The following PPP2R2C variants were observed in gnomAD, a reference collection of about 807,000 sequenced individuals.
PPP2R2C encodes the protein protein phosphatase 2, regulatory subunit B, gamma.
Under a neutral mutation model 45.3 loss-of-function variants are expected in PPP2R2C, and 10 were observed. The observed-to-expected ratio is 0.22, with a 90% CI of 0.14 to 0.37. PPP2R2C has a LOEUF of 0.37. Among genes scored for constraint, PPP2R2C ranks in the 10% least tolerant of loss-of-function variants. The pLI, the probability that PPP2R2C is intolerant of heterozygous loss-of-function variation, is 1.00. For synonymous variants in PPP2R2C, 257 were observed against 245.4 expected (o/e 1.05, Z -0.44); for missense variants, 308 against 619.7 (o/e 0.50, Z 5.34).
At chr4:6,511,714 ATGGTGGTGATGGTGGTGGAGGTGATGG>A (rs1560594246) in intron 2 of PPP2R2C, among the ~76,000 whole-genome samples, 5 of 14,484 alleles carry the variant, frequency 3.5e-4, no homozygotes, top group Non-Finnish European at 7.9e-4. Flanking sequence ...GGTGGAGGTG[ATGGTGGTGATGGTGGTGGAGGTGATGG>A]TGGTGATGGC....
At position 6,457,945 on chromosome 4, in the gene PPP2R2C, G is replaced by A. The variant is rs560310301; in HGVS notation, c.70+14215C>T. Reference sequence around the variant, plus strand: ...AAATATCTTCAAGAGTTCCTTTAACGTTTTTCCCAGCCTCGCTTCCTCTGG... The same window carrying A: ...AAATATCTTCAAGAGTTCCTTTAACATTTTTCCCAGCCTCGCTTCCTCTGG... On this transcript the variant is annotated intron_variant, in intron 1 of 8. Coordinates refer to ENST00000382599, the MANE Select transcript of PPP2R2C (RefSeq NM_020416.4). Among the ~76,000 whole-genome samples, 316 of 152,222 alleles carry A rather than the reference G, an allele frequency of 2.1e-3. 1 individual carries two copies. The highest frequency in any genetic ancestry group is 7.2e-3 in the African/African-American group (297 of 41,518).
intron 1 of PPP2R2C, among the ~76,000 whole-genome samples, chr4:6,461,247 T>G (rs1370757133): frequency 1.3e-5 from 2 of 152,150 alleles, no homozygotes; most frequent in African/African-American, 2.4e-5. Flanking sequence ...GGTCAGGGGT[T>G]GAGTGAGGGT....
At chr4:6,451,069 C>A (rs549085218) in intron 1 of PPP2R2C, among the ~76,000 whole-genome samples, 2 of 152,224 alleles carry the variant, frequency 1.3e-5, no homozygotes, top group Non-Finnish European at 2.9e-5. Context: ...CGTGCCACCA[C>A]CCAAGCTGGT....
At chr4:6,394,112 C>T (rs1364434883) in intron 1 of PPP2R2C, among the ~76,000 whole-genome samples, 1 of 152,210 alleles carries the variant, frequency 6.6e-6, no homozygotes, top group Non-Finnish European at 1.5e-5. Flanking sequence ...CAAGGCTCTG[C>T]CCAGACGGAC....
chr4:6,473,111 G>C (rs1041274667), upstream of PPP2R2C, among the ~76,000 whole-genome samples: 1 of 152,122 alleles, frequency 6.6e-6, no homozygotes, highest in Non-Finnish European at 1.5e-5. Context: ...AGCTGGTGGA[G>C]GGGGTCCAGC....
At chr4:6,410,323 T>C (rs1021060545) in intron 1 of PPP2R2C, among the ~76,000 whole-genome samples, 1 of 152,174 alleles carries the variant, frequency 6.6e-6, no homozygotes, top group Non-Finnish European at 1.5e-5. Flanking sequence ...ATTAGCCCTC[T>C]GTTCCGGGTA....
chr4:6,494,600 C>T (rs12643897), intron 2 of PPP2R2C, among the ~76,000 whole-genome samples: 40,849 of 152,100 alleles, frequency 0.27, 6,923 homozygotes, highest in East Asian at 0.57. Flanking sequence ...AACTCAGACA[C>T]TCACAGCCCA....
chr4:6,480,180 T>C (rs1206261596), intron 2 of PPP2R2C, among the ~76,000 whole-genome samples: 2 of 152,230 alleles, frequency 1.3e-5, no homozygotes, highest in Non-Finnish European at 2.9e-5. Context: ...CATACATGCA[T>C]TGTACCATTT....
At chr4:6,452,925 G>GC (rs1342327138) in intron 1 of PPP2R2C, among the ~76,000 whole-genome samples, 1 of 152,202 alleles carries the variant, frequency 6.6e-6, no homozygotes, top group South Asian at 2.1e-4. Flanking sequence ...TAGAAGGGCT[G>GC]CCACCATGCC....
chr4:6,375,111 ACTTT>A (rs1232134956), intron 4 of PPP2R2C, among the ~76,000 whole-genome samples: 1 of 152,114 alleles, frequency 6.6e-6, no homozygotes, highest in Admixed American at 6.5e-5. Context: ...ACCCTCATAA[ACTTT>A]CTTGGGACGG....
chr4:6,426,084 T>A (rs1719281218), intron 1 of PPP2R2C, among the ~76,000 whole-genome samples: 1 of 152,178 alleles, frequency 6.6e-6, no homozygotes, highest in African/African-American at 2.4e-5. Context: ...GGCATTGCTA[T>A]GGCACCTGCA....
intron 1 of PPP2R2C, among the ~76,000 whole-genome samples, chr4:6,415,271 A>G (rs1238214852): frequency 2.0e-5 from 3 of 152,252 alleles, no homozygotes; most frequent in South Asian, 2.1e-4. Flanking sequence ...GAAACTACCA[A>G]TGGAACATCC....
At chr4:6,504,794 T>C (rs1723167815) in intron 2 of PPP2R2C, among the ~76,000 whole-genome samples, 1 of 152,148 alleles carries the variant, frequency 6.6e-6, no homozygotes, top group South Asian at 2.1e-4. Flanking sequence ...TAACCCAGCC[T>C]CAGGAACCTG....
intron 2 of PPP2R2C, among the ~76,000 whole-genome samples, chr4:6,505,661 A>T (rs1193891331): frequency 6.6e-6 from 1 of 152,236 alleles, no homozygotes; most frequent in Non-Finnish European, 1.5e-5. Flanking sequence ...ATTAAAATGC[A>T]ATTTTTATAA....
chr4:6,461,370 C>A (rs1721312186), intron 1 of PPP2R2C, among the ~76,000 whole-genome samples: 1 of 152,164 alleles, frequency 6.6e-6, no homozygotes, highest in Admixed American at 6.5e-5. Context: ...AGGTTCTTCC[C>A]ACTGCAGAGT....
intron 1 of PPP2R2C, among the ~76,000 whole-genome samples, chr4:6,388,890 C>G (rs1716409743): frequency 6.6e-6 from 1 of 152,132 alleles, no homozygotes; most frequent in South Asian, 2.1e-4. Context: ...TCACAGCTTC[C>G]CTAGGAAACT....
intron 1 of PPP2R2C, chr4:6,382,112 C>A: frequency 7.7e-7 from 1 of 1,303,694 alleles, no homozygotes; most frequent in South Asian, 1.6e-5. Flanking sequence ...AATTTGAAGT[C>A]ATTCTTAATA....
intron 2 of PPP2R2C, among the ~76,000 whole-genome samples, chr4:6,520,387 C>CA (rs58276518): frequency 0.2 from 30,704 of 152,092 alleles, 3,651 homozygotes; most frequent in African/African-American, 0.33. Context: ...GCTCACTGTC[C>CA]CACATCCTTC....
intron 6 of PPP2R2C, among the ~76,000 whole-genome samples, chr4:6,338,777 A>G (rs1029675420): frequency 2.0e-5 from 3 of 151,808 alleles, no homozygotes; most frequent in African/African-American, 7.3e-5. Context: ...TGTCTCCTCA[A>G]TGTTGAGCCC....
Sources: gnomAD v4.1 joint callset for allele counts (sites outside exome capture counted in the v4.1 genomes callset) on GRCh38, gnomAD v4.1.1 for gene constraint, MANE v1.5 for transcripts, NCBI Gene and HGNC (gene_info 2026-07-23, HGNC 2026-07-21) for gene names.